The following MAP2K4 variants were observed in gnomAD, a reference collection of about 807,000 sequenced individuals.
The protein encoded by MAP2K4 is mitogen-activated protein kinase kinase 4.
In MAP2K4, 4 loss-of-function variants were observed where a neutral mutation model predicts 48.5. The observed-to-expected ratio is 0.08, with a 90% CI of 0.04 to 0.19. The LOEUF (loss-of-function observed/expected upper bound fraction) is 0.19. MAP2K4 is among the 10% of genes least tolerant of loss of function. The pLI is 1.00. For missense variants in MAP2K4, 258 were observed against 493.3 expected, an observed-to-expected ratio of 0.52 and a Z score of 4.52; for synonymous variants, 166 against 173.1, an observed-to-expected ratio of 0.96 and a Z score of 0.32.
chr17:12,045,171 T>C (rs1020262207), intron 1 of MAP2K4, among the ~76,000 whole-genome samples: 5 of 152,230 alleles, frequency 3.3e-5, no homozygotes, highest in Non-Finnish European at 7.3e-5. Flanking sequence ...ATTTCTTTCA[T>C]TGTGTTGTAC....
intron 4 of MAP2K4, among the ~76,000 whole-genome samples, chr17:12,100,933 G>A (rs1304650255): frequency 3.3e-5 from 5 of 151,956 alleles, no homozygotes; most frequent in Non-Finnish European, 5.9e-5. Flanking sequence ...GTTTTGGGAG[G>A]TTTTTAAAAA....
At chr17:12,140,350 C>T (rs1261140966) in intron 10 of MAP2K4, among the ~76,000 whole-genome samples, 1 of 152,010 alleles carries the variant, frequency 6.6e-6, no homozygotes, top group African/African-American at 2.4e-5. Context: ...ATTGGTGGGG[C>T]AGGGAGAAAG....
At position 12,088,642 on chromosome 17, in the gene MAP2K4, C is replaced by T. The variant is rs1211390868; in HGVS notation, c.394-6933C>T. ...AGATTAAGATAATCTTTGTTCTTTT[C>T]TTCTTTTGATTTTTAATGCTGAACC... On this transcript the variant is annotated intron_variant, in intron 3 of 10. Transcript: ENST00000353533. Among the ~76,000 whole-genome samples the T allele has an allele frequency of 4.4e-5, 6 of 137,748 alleles. No homozygotes were observed. The South Asian group carries it at 1.1e-3, about 26-fold the overall frequency. The allele number at this position is 137,748 out of a possible 152,430, so 90.4% of individuals were successfully genotyped here. A position where few individuals can be genotyped will look rare whatever the true frequency, so the allele number is the denominator to read the frequency against.
chr17:12,103,128 C>T (rs2151568646), intron 4 of MAP2K4, among the ~76,000 whole-genome samples: 1 of 151,272 alleles, frequency 6.6e-6, no homozygotes, highest in Middle Eastern at 3.4e-3. Flanking sequence ...CAACCTTGAA[C>T]TCCTGGGCTC....
chr17:12,117,944 A>G (rs1972555664), intron 7 of MAP2K4, among the ~76,000 whole-genome samples: 1 of 152,230 alleles, frequency 6.6e-6, no homozygotes, highest in African/African-American at 2.4e-5. Context: ...TTGGTAATGT[A>G]TTAAAAGAGT....
intron 1 of MAP2K4, among the ~76,000 whole-genome samples, chr17:12,047,378 C>T (rs546176616): frequency 6.6e-6 from 1 of 152,306 alleles, no homozygotes; most frequent in African/African-American, 2.4e-5. Flanking sequence ...CTTTACTCCT[C>T]ACAGTGCCCC....
At chr17:12,131,550 T>C (rs1238765311) in intron 9 of MAP2K4, among the ~76,000 whole-genome samples, 2 of 152,082 alleles carry the variant, frequency 1.3e-5, no homozygotes, top group Non-Finnish European at 2.9e-5. Context: ...CGGCCCGCTC[T>C]AGCCACATTT....
At chr17:12,133,322 TC>T (rs1973094106) in intron 9 of MAP2K4, among the ~76,000 whole-genome samples, 1 of 152,126 alleles carries the variant, frequency 6.6e-6, no homozygotes, top group Admixed American at 6.5e-5. Flanking sequence ...CCTCAAGTAA[TC>T]CGCCCGCTTC....
At chr17:12,122,261 A>C (rs1253135468) in intron 7 of MAP2K4, among the ~76,000 whole-genome samples, 1 of 152,180 alleles carries the variant, frequency 6.6e-6, no homozygotes, top group Non-Finnish European at 1.5e-5. Context: ...TTTCTCTTGC[A>C]ACATACGGAT....
At chr17:12,083,124 T>C (rs1971246201) in intron 3 of MAP2K4, among the ~76,000 whole-genome samples, 1 of 152,264 alleles carries the variant, frequency 6.6e-6, no homozygotes, top group African/African-American at 2.4e-5. Context: ...CAGTTTGTGT[T>C]ATGTGTGCTT....
At chr17:12,038,183 C>T (rs1032453246) in intron 1 of MAP2K4, among the ~76,000 whole-genome samples, 10 of 152,128 alleles carry the variant, frequency 6.6e-5, no homozygotes, top group African/African-American at 2.2e-4. Flanking sequence ...AGAGAGTATT[C>T]CCAACTGAAT....
intron 1 of MAP2K4, among the ~76,000 whole-genome samples, chr17:12,053,027 A>G (rs113809176): frequency 6.6e-6 from 1 of 152,276 alleles, no homozygotes; most frequent in African/African-American, 2.4e-5. Flanking sequence ...CCCAAATCCC[A>G]TTATGAAAAT....
intron 3 of MAP2K4, among the ~76,000 whole-genome samples, chr17:12,087,938 C>G (rs1486972470): frequency 6.6e-6 from 1 of 151,922 alleles, no homozygotes; most frequent in Admixed American, 6.6e-5. Context: ...CGTGTGTGAT[C>G]TATTTAGAAG....
chr17:12,074,634 C>T (rs1445220881), intron 2 of MAP2K4, among the ~76,000 whole-genome samples: 3 of 152,108 alleles, frequency 2.0e-5, no homozygotes, highest in Non-Finnish European at 2.9e-5. Flanking sequence ...CACAATCATC[C>T]GCTGATCAAG....
intron 1 of MAP2K4, among the ~76,000 whole-genome samples, chr17:12,023,339 C>T (rs1014846573): frequency 2.6e-5 from 4 of 151,974 alleles, no homozygotes; most frequent in Admixed American, 2.6e-4. Context: ...TTATAAGAAC[C>T]CAAAAAGAAA....
intron 8 of MAP2K4, among the ~76,000 whole-genome samples, chr17:12,126,127 C>T (rs956628571): frequency 3.9e-5 from 6 of 152,002 alleles, no homozygotes; most frequent in East Asian, 1.9e-4. Flanking sequence ...CCCACCAGGC[C>T]GCTCCTTCAA....
intron 7 of MAP2K4, among the ~76,000 whole-genome samples, chr17:12,119,138 C>T (rs914644602): frequency 1.3e-5 from 2 of 151,992 alleles, no homozygotes; most frequent in African/African-American, 4.8e-5. Context: ...ATGTTAACAA[C>T]GAGGAAGAAA....
At chr17:12,064,913 T>C (rs562579154) in intron 2 of MAP2K4, among the ~76,000 whole-genome samples, 63 of 152,340 alleles carry the variant, frequency 4.1e-4, no homozygotes, top group African/African-American at 1.5e-3. Flanking sequence ...TGCAGTCATA[T>C]TGATGGATCT....
chr17:12,027,982 A>G (rs1481568308), intron 1 of MAP2K4, among the ~76,000 whole-genome samples: 1 of 152,192 alleles, frequency 6.6e-6, no homozygotes, highest in Non-Finnish European at 1.5e-5. Context: ...TGCCTGTGAT[A>G]ATAATAACCT....
Sources: allele counts gnomAD v4.1 joint callset (sites outside exome capture counted in the v4.1 genomes callset), GRCh38; gene constraint gnomAD v4.1.1; transcripts MANE v1.5; gene names NCBI Gene and HGNC (gene_info 2026-07-23, HGNC 2026-07-21).